The following SMCHD1 variants were observed in gnomAD, a reference collection of about 807,000 sequenced individuals.
The protein encoded by SMCHD1 is structural maintenance of chromosomes flexible hinge domain containing 1, also known as structural maintenance of chromosomes flexible hinge domain-containing protein 1.
In SMCHD1, 78 loss-of-function variants were observed where a neutral mutation model predicts 254.7. The observed-to-expected ratio is 0.31, with a 90% CI of 0.26 to 0.37. SMCHD1 has a LOEUF of 0.37. SMCHD1 is among the 10% of genes least tolerant of loss of function. The pLI is 1.00. For missense variants in SMCHD1, 1,840 were observed against 2,408.1 expected (o/e 0.76, Z 4.94); for synonymous variants, 766 against 794.9 (o/e 0.96, Z 0.61).
intron 45 of SMCHD1, among the ~76,000 whole-genome samples, chr18:2,795,428 A>G (rs2076245459): frequency 6.6e-6 from 1 of 152,210 alleles, no homozygotes; most frequent in Non-Finnish European, 1.5e-5. Flanking sequence ...TTACAGTACA[A>G]AAAATAAGAA....
intron 1 of SMCHD1, among the ~76,000 whole-genome samples, chr18:2,659,428 A>G (rs1461704649): frequency 6.6e-6 from 1 of 152,112 alleles, no homozygotes; most frequent in African/African-American, 2.4e-5. Flanking sequence ...CTAAATTGTT[A>G]TTTGAATAAA....
At chr18:2,660,741 G>C (rs1201186537) in intron 1 of SMCHD1, among the ~76,000 whole-genome samples, 1 of 152,068 alleles carries the variant, frequency 6.6e-6, no homozygotes, top group Non-Finnish European at 1.5e-5. Context: ...GCCTCCAAAA[G>C]TGCTGGGATT....
chr18:2,708,930 GAAGTGGCATT>G (rs1232055013), intron 17 of SMCHD1, among the ~76,000 whole-genome samples: 3 of 96,000 alleles, frequency 3.1e-5, no homozygotes, highest in Non-Finnish European at 5.8e-5. Context: ...TGAAATTTAT[GAAGTGGCATT>G]AAGTACATTC....
At position 2,668,268 on chromosome 18, in the gene SMCHD1, T is replaced by A. The variant is rs142387358; in HGVS notation, c.424+1237T>A. 2.4e-4 allele frequency among the ~76,000 whole-genome samples: 37 copies of A among 152,328 alleles called. No homozygotes were observed. In the South Asian group the frequency reaches 5.2e-3, roughly 21 times the overall value. Reference sequence around the variant, plus strand: ...CTGAATGTTCTTGTGACTAAATCTGTGTGTGCTTTCTTAATGTAACACTAC... The same window carrying A: ...CTGAATGTTCTTGTGACTAAATCTGAGTGTGCTTTCTTAATGTAACACTAC... On this transcript the variant is annotated intron_variant, in intron 3 of 47. Coordinates refer to ENST00000320876, the MANE Select transcript of SMCHD1 (RefSeq NM_015295.3).
chr18:2,690,669 A>G (rs2074155665), intron 7 of SMCHD1, among the ~76,000 whole-genome samples: 1 of 141,672 alleles, frequency 7.1e-6, no homozygotes. Context: ...TTTTTAGTGG[A>G]GATGGAGTTT....
rs889118710 is a variant in SMCHD1 at position 2,673,121 on chromosome 18, G to A, written c.425-160G>A. The A allele has an allele frequency of 5.1e-5, 50 of 985,362 alleles. No homozygotes were observed. In the African/African-American group the frequency reaches 8.4e-4, roughly 16 times the overall value. 61.0% of individuals were successfully genotyped at this position (985,362 alleles called of 1,614,324 possible). A position where few individuals can be genotyped will look rare whatever the true frequency, so the allele number is the denominator to read the frequency against. On this transcript the variant is annotated intron_variant, in intron 3 of 47. Transcript: ENST00000320876. ...GCTTTTTTGATGCTGGTGGTGATTGGTGATGATGCCTTTATTATGTATTAT... is the reference window on the plus strand; with the variant it reads ...GCTTTTTTGATGCTGGTGGTGATTGATGATGATGCCTTTATTATGTATTAT...
At chr18:2,707,955 G>A (rs1353227321) in intron 17 of SMCHD1, 35 bp downstream of exon 17, 1 of 1,237,668 alleles carries the variant, frequency 8.1e-7, no homozygotes, top group Non-Finnish European at 1.1e-6. Context: ...CTTTAATATT[G>A]TTTTTAAAAT....
At chr18:2,693,789 G>A (rs897818919) in intron 7 of SMCHD1, among the ~76,000 whole-genome samples, 2 of 152,026 alleles carry the variant, frequency 1.3e-5, no homozygotes, top group African/African-American at 4.8e-5. Context: ...GTACCACCAC[G>A]CCTGGCTACT....
chr18:2,711,582 A>G (rs941376190), intron 17 of SMCHD1, among the ~76,000 whole-genome samples: 5 of 141,400 alleles, frequency 3.5e-5, no homozygotes, highest in African/African-American at 1.3e-4. Context: ...TCCCGGGTTC[A>G]CGCCATTCTC....
chr18:2,696,751 A>C (rs907108085), intron 8 of SMCHD1, among the ~76,000 whole-genome samples: 1 of 152,124 alleles, frequency 6.6e-6, no homozygotes, highest in African/African-American at 2.4e-5. Flanking sequence ...TGGTCTTTGA[A>C]GTTGGAAAGG....
intron 47 of SMCHD1, 49 bp downstream of exon 47, chr18:2,796,570 C>G: frequency 8.1e-7 from 1 of 1,241,754 alleles, no homozygotes; most frequent in Non-Finnish European, 1.2e-6. Context: ...TACCAAAGTT[C>G]TTGGGTCTCA....
chr18:2,739,137 AGTT>A (rs1247891358), intron 26 of SMCHD1, among the ~76,000 whole-genome samples: 9 of 152,174 alleles, frequency 5.9e-5, no homozygotes, highest in Admixed American at 3.3e-4. Context: ...TCTCTCAATG[AGTT>A]GTTAACTCAT....
chr18:2,725,002 A>G lies in SMCHD1; in HGVS notation c.2700+7A>G. 2 of 1,502,166 alleles carry G rather than the reference A, an allele frequency of 1.3e-6. No individual in the cohort carries two copies. Among genetic ancestry groups the G allele is most frequent in the Non-Finnish European group, 1.8e-6 (2 of 1,093,836 alleles). The allele number at this position is 1,502,166 out of a possible 1,614,324, so 93.1% of individuals were successfully genotyped here. ...AAACTCTTGTCAAGGCAAGGTAAGC[A>G]TTATGTATAGATCCTATGATACTTG... On this transcript the variant is annotated splice_region_variant and intron_variant, in intron 21 of 47. Coordinates refer to ENST00000320876, the MANE Select transcript of SMCHD1 (RefSeq NM_015295.3).
rs1469819950 is a variant in SMCHD1, at chr18:2,740,736, T to C, written c.3548T>C (p.Ile1183Thr). 1 of 1,611,002 alleles carries C rather than the reference T, an allele frequency of 6.2e-7. No homozygotes were observed. Among genetic ancestry groups the C allele is most frequent in the Non-Finnish European group, 8.5e-7 (1 of 1,177,984 alleles). ...IIITDQYGNQIQAFSPSSLSS... is the reference protein window; with the variant it reads ...IIITDQYGNQTQAFSPSSLSS... Reference sequence around the variant, plus strand: ...ATTACAGATCAGTACGGAAATCAGATTCAAGCATTTTCACCAAGTTCTTTA... The same window carrying C: ...ATTACAGATCAGTACGGAAATCAGACTCAAGCATTTTCACCAAGTTCTTTA... The change falls in exon 28 of 48, where the codon ATT (isoleucine) becomes ACT (threonine). Residue 1183 changes from isoleucine to threonine, a missense_variant. By Grantham distance (89) the Ile-to-Thr change is moderately conservative. This residue lies in a region of SMCHD1 where 881 missense variants were observed against 1,009.5 expected (regional missense o/e 0.87). Transcript: ENST00000320876.
At chr18:2,671,322 T>C (rs553847493) in intron 3 of SMCHD1, among the ~76,000 whole-genome samples, 2 of 152,332 alleles carry the variant, frequency 1.3e-5, no homozygotes, top group South Asian at 4.1e-4. Flanking sequence ...CTTAATGTAG[T>C]TTATGTTTCA....
intron 17 of SMCHD1, among the ~76,000 whole-genome samples, chr18:2,709,132 T>C (rs1249749839): frequency 6.7e-6 from 1 of 150,200 alleles, no homozygotes; most frequent in Non-Finnish European, 1.5e-5. Context: ...ATATTTGTCC[T>C]TTGTGTCTGG....
At chr18:2,778,290 T>A (rs764192504) in intron 44 of SMCHD1, 51 bp downstream of exon 44, 33 of 1,294,482 alleles carry the variant, frequency 2.5e-5, no homozygotes, top group African/African-American at 7.4e-5. Flanking sequence ...TTAATGTGTA[T>A]CATGTCCATT....
intron 7 of SMCHD1, among the ~76,000 whole-genome samples, chr18:2,692,682 A>G (rs2074205720): frequency 6.6e-6 from 1 of 151,942 alleles, no homozygotes; most frequent in Non-Finnish European, 1.5e-5. Flanking sequence ...TCATGTTCTC[A>G]TTTGTCTGGA....
At chr18:2,777,056 A>ACCCCC (rs140799401) in intron 42 of SMCHD1, among the ~76,000 whole-genome samples, 1 of 90,628 alleles carries the variant, frequency 1.1e-5, no homozygotes, top group Non-Finnish European at 2.9e-5. Flanking sequence ...GGCATGCACC[A>ACCCCC]CCACCTCCCC....
Sources: gnomAD v4.1 joint callset for allele counts (sites outside exome capture counted in the v4.1 genomes callset) on GRCh38, gnomAD v4.1.1 for gene constraint, gnomAD v4.1.1 regional missense constraint, MANE v1.5 for transcripts, NCBI Gene and HGNC (gene_info 2026-07-23, HGNC 2026-07-21) for gene names.